The following EDDM13 variants were observed in gnomAD, a reference collection of about 807,000 sequenced individuals.
EDDM13 encodes epididymal protein 13.
EDDM13 carries 24 observed loss-of-function variants against 17.8 expected under a neutral mutation model. That is an observed-to-expected ratio of 1.35 (90% CI 0.98 to 1.90). The LOEUF is 1.90. Ranked by LOEUF, EDDM13 falls within the 40% of genes most tolerant of loss-of-function variation. EDDM13 has a pLI of 0.00. For missense variants in EDDM13, 97 were observed against 100.8 expected (o/e 0.96, Z 0.16); for synonymous variants, 31 against 37.5 (o/e 0.83, Z 0.63).
intron 5 of EDDM13, among the ~76,000 whole-genome samples, chr19:56,284,608 G>A (rs113648817): frequency 0.012 from 1,721 of 146,614 alleles, 34 homozygotes; most frequent in African/African-American, 0.041. Flanking sequence ...TCTGCCTCCC[G>A]GGTTCATGCC....
chr19:56,276,949 C>CA lies in EDDM13; in HGVS notation c.103+845dup, dbSNP rs534012474. Among the ~76,000 whole-genome samples the CA allele has an allele frequency of 6.3e-3, 961 of 151,998 alleles. 8 individuals are homozygous for CA. The highest frequency in any genetic ancestry group is 0.044 in the Middle Eastern group (13 of 294). On this transcript the variant is annotated intron_variant, in intron 2 of 14. Coordinates refer to ENST00000649256, the MANE Select transcript of EDDM13 (RefSeq NM_001354658.2). ...TTACAAATACAAATACTTATATTTA[C>CA]AAAAACTATTTCTATTTACAAATAA...
rs114614147 is a variant in EDDM13, at chr19:56,305,339, A to C, written c.461+509A>C. The stretch of plus-strand genomic sequence containing the variant: ...TTTCATACACATGGAATCATACACT[A>C]CGTGGCCCTTTGCATCTGGGTTTAT... On this transcript the variant is annotated intron_variant, in intron 14 of 14. Transcript: ENST00000649256. 5.3e-3 allele frequency among the ~76,000 whole-genome samples: 803 copies of C among 152,248 alleles called. 7 individuals are homozygous for C. The highest frequency in any genetic ancestry group is 0.018 in the African/African-American group (757 of 41,548).
intron 4 of EDDM13, 78 bp downstream of exon 4, chr19:56,282,577 G>A (rs1020377510): frequency 1.1e-6 from 1 of 888,432 alleles, no homozygotes; most frequent in Non-Finnish European, 1.3e-6. Flanking sequence ...GCTGAACTTC[G>A]ACTTACGTTT....
At chr19:56,276,148 C>G (rs2038233194) in intron 2 of EDDM13, among the ~76,000 whole-genome samples, 39 bp downstream of exon 2, 1 of 152,208 alleles carries the variant, frequency 6.6e-6, no homozygotes, top group African/African-American at 2.4e-5. Flanking sequence ...ATTTTCATAG[C>G]TACCTCTCCT....
intron 2 of EDDM13, 48 bp from the exon 3 acceptor site, chr19:56,281,645 A>C: frequency 1.0e-6 from 1 of 977,430 alleles, no homozygotes; most frequent in Non-Finnish European, 1.2e-6. Context: ...CTCTTCCTTG[A>C]ATTTTCCATG....
chr19:56,273,458 T>C (rs1296140748), intron 1 of EDDM13, among the ~76,000 whole-genome samples: 2 of 94,562 alleles, frequency 2.1e-5, no homozygotes, highest in Non-Finnish European at 5.4e-5. Context: ...GCTGGGAATA[T>C]AGTGATGAAA....
chr19:56,285,278 A>AT (rs1217434173), intron 6 of EDDM13, among the ~76,000 whole-genome samples: 2 of 152,218 alleles, frequency 1.3e-5, no homozygotes, highest in Non-Finnish European at 2.9e-5. Context: ...ACATGGGAAA[A>AT]TATCGAGGAA....
At chr19:56,285,599 C>T (rs1172529376) in intron 6 of EDDM13, among the ~76,000 whole-genome samples, 1 of 152,010 alleles carries the variant, frequency 6.6e-6, no homozygotes, top group African/African-American at 2.4e-5. Context: ...GGATTCCTAA[C>T]ATATTTTGAT....
chr19:56,291,023 C>T (rs778461849), intron 9 of EDDM13, among the ~76,000 whole-genome samples, 177 bp downstream of exon 9: 1 of 152,184 alleles, frequency 6.6e-6, no homozygotes, highest in East Asian at 1.9e-4. Context: ...GGGCTGCAAG[C>T]CCCAGATTGT....
Position 56,304,306 on chromosome 19 carries a change from A to G in EDDM13, c.424-487A>G, listed in dbSNP as rs191780341. 1.8e-3 allele frequency among the ~76,000 whole-genome samples: 267 copies of G among 152,306 alleles called. 2 individuals are homozygous for G. Among genetic ancestry groups the G allele is most frequent in the African/African-American group, 6.1e-3 (255 of 41,572 alleles). On this transcript the variant is annotated intron_variant, in intron 13 of 14. Transcript: ENST00000649256. The stretch of plus-strand genomic sequence containing the variant: ...GAGAGACCAGGGAGATGAGCCTGAG[A>G]CAGTGACTTCAGTTATGCTAGTGGT...
At chr19:56,287,490 T>TCC (rs992106647) in intron 6 of EDDM13, among the ~76,000 whole-genome samples, 3 of 151,396 alleles carry the variant, frequency 2.0e-5, no homozygotes, top group Non-Finnish European at 4.4e-5. Context: ...CCCACTCCCA[T>TCC]CCCCCCAAGT....
intron 14 of EDDM13, among the ~76,000 whole-genome samples, chr19:56,308,086 C>T (rs530032635): frequency 3.3e-5 from 5 of 152,316 alleles, no homozygotes; most frequent in East Asian, 1.9e-4. Flanking sequence ...CAGGCTGGAG[C>T]GCAGTGGCGC....
intron 12 of EDDM13, among the ~76,000 whole-genome samples, chr19:56,298,825 G>C (rs1464244781): frequency 6.6e-6 from 1 of 152,114 alleles, no homozygotes; most frequent in African/African-American, 2.4e-5. Flanking sequence ...ATTAAAAACA[G>C]TCATTTCCCA....
At chr19:56,308,488 T>A (rs530167232) in intron 14 of EDDM13, among the ~76,000 whole-genome samples, 1 of 152,118 alleles carries the variant, frequency 6.6e-6, no homozygotes, top group Non-Finnish European at 1.5e-5. Context: ...CACACCTGGC[T>A]AATTTTTGTA....
chr19:56,282,433 A>G, intron 3 of EDDM13, 58 bp from the exon 4 acceptor site: 1 of 960,014 alleles, frequency 1.0e-6, no homozygotes, highest in Non-Finnish European at 1.2e-6. Flanking sequence ...TTCATTGGCA[A>G]TATGGTTCCC....
chr19:56,277,810 T>C (rs1360936097), intron 2 of EDDM13, among the ~76,000 whole-genome samples: 1 of 152,118 alleles, frequency 6.6e-6, no homozygotes, highest in Non-Finnish European at 1.5e-5. Flanking sequence ...ACAATGTACA[T>C]TACAAAGATG....
chr19:56,309,328 A>T (rs2040888444), intron 14 of EDDM13, among the ~76,000 whole-genome samples: 1 of 151,884 alleles, frequency 6.6e-6, no homozygotes, highest in Non-Finnish European at 1.5e-5. Flanking sequence ...GACTGCTTTT[A>T]ATGGATTTCT....
In EDDM13 at chr19:56,285,023, T is replaced by C. The variant is rs1294107762; in HGVS notation, c.153T>C (p.Asp51=). ...IIGLMSRLSP[D]GLRHNITSLK... ...GTCTCATGAGCAGACTGTCACCGGA[T>C]GGTAAGTGTCAGGATTGTATCTTTT... is the stretch of plus-strand genomic sequence containing the variant. The change falls in exon 6 of 15, where the codon GAT becomes GAC. Residue 51 remains aspartate, a splice_region_variant and synonymous_variant. Transcript: ENST00000649256. 1.0e-6 allele frequency: 1 copy of C among 985,264 alleles called. No individual in the cohort carries two copies. Among genetic ancestry groups the C allele is most frequent in the Non-Finnish European group, 1.2e-6 (1 of 829,866 alleles). 61.0% of individuals were successfully genotyped at this position (985,264 alleles called of 1,614,324 possible).
chr19:56,283,369 G>A (rs1327646217), intron 4 of EDDM13: 1 of 151,984 alleles, frequency 6.6e-6, no homozygotes, highest in Non-Finnish European at 1.5e-5. Flanking sequence ...CTTCTTTATT[G>A]ACACAGATCC....
Sources: gnomAD v4.1 joint callset for allele counts (sites outside exome capture counted in the v4.1 genomes callset) on GRCh38, gnomAD v4.1.1 for gene constraint, MANE v1.5 for transcripts, NCBI Gene and HGNC (gene_info 2026-07-23, HGNC 2026-07-21) for gene names.